ARHGEF10: variants seen among roughly 807,000 people sequenced by gnomAD.
ARHGEF10 encodes the protein Rho guanine nucleotide exchange factor 10, also known as Rho guanine nucleotide exchange factor (GEF) 10.
A neutral mutation model predicts 147.4 loss-of-function variants in ARHGEF10; 140 were observed. The observed-to-expected ratio is 0.95, with a 90% CI of 0.83 to 1.09. ARHGEF10 has a LOEUF of 1.09. ARHGEF10 is among the 50% of genes least tolerant of loss of function. The pLI is 0.00. For missense variants in ARHGEF10, 2,222 were observed against 1,752.7 expected (o/e 1.27, Z -4.78); for synonymous variants, 902 against 695.8 (o/e 1.30, Z -4.67).
In ARHGEF10 at chr8:1,888,154, C is replaced by CGAGGGTTGCGAGGAGACAGTGAGTGTGGT. The variant is rs1563233607; in HGVS notation, c.1182+2472_1182+2473insTGGTGAGGGTTGCGAGGAGACAGTGAGTG. On this transcript the variant is annotated intron_variant, in intron 11 of 28. Transcript: ENST00000349830. ...GTTTGCGAGGAGACACTTAGTGGGG[C>CGAGGGTTGCGAGGAGACAGTGAGTGTGGT]GAGGGTTGCGAGGAGACAGTGAGTG... 3.9e-4 allele frequency among the ~76,000 whole-genome samples: 12 copies of CGAGGGTTGCGAGGAGACAGTGAGTGTGGT among 30,416 alleles called. 2 individuals are homozygous for CGAGGGTTGCGAGGAGACAGTGAGTGTGGT. The highest frequency in any genetic ancestry group is 1.8e-3 in the African/African-American group (11 of 6,030). 20.0% of individuals were successfully genotyped at this position (30,416 alleles called of 152,430 possible).
intron 17 of ARHGEF10, among the ~76,000 whole-genome samples, chr8:1,907,148 G>A (rs149888455): frequency 3.0e-3 from 459 of 152,332 alleles, no homozygotes; most frequent in Middle Eastern, 0.01. Flanking sequence ...TTAGAATTGC[G>A]AGGATGCAGA....
chr8:1,947,393 G>A (rs193104958), intron 27 of ARHGEF10, among the ~76,000 whole-genome samples: 6 of 152,302 alleles, frequency 3.9e-5, no homozygotes, highest in East Asian at 1.9e-4. Flanking sequence ...GAAATGCAGC[G>A]GCCCTGCAGG....
At chr8:1,917,736 A>T (rs1811865446) in intron 18 of ARHGEF10, among the ~76,000 whole-genome samples, 1 of 152,140 alleles carries the variant, frequency 6.6e-6, no homozygotes, top group Non-Finnish European at 1.5e-5. Context: ...AACTCTAACA[A>T]AAATTCTGAT....
rs1311683805 is a variant in ARHGEF10, at chr8:1,859,947, A to G, written c.244A>G (p.Lys82Glu). ...AETTPVAEPT[K>E]LVLPMKVNPY... ...AACCACCCCAGTGGCAGAGCCTACTAAGCTGGTGCTCCCGATGAAAGTCAA... is the reference window on the plus strand; with the variant it reads ...AACCACCCCAGTGGCAGAGCCTACTGAGCTGGTGCTCCCGATGAAAGTCAA... Residue 82 changes from lysine (K) to glutamate (E), a missense_variant, in exon 4 of 29, where the codon AAG (lysine) becomes GAG (glutamate). By Grantham distance (56) the Lys-to-Glu change is moderately conservative. Transcript: ENST00000349830. 1.9e-6 allele frequency: 3 copies of G among 1,614,152 alleles called. No individual in the cohort carries two copies. The highest frequency in any genetic ancestry group is 1.6e-4 in the Middle Eastern group (1 of 6,062).
rs765378810 is a variant in ARHGEF10 at position 1,896,412 on chromosome 8, CAT to C, written c.1521_1522del (p.Ala509HisfsTer7). 20 of 1,613,756 alleles carry C rather than the reference CAT, an allele frequency of 1.2e-5. No individual in the cohort carries two copies. The Admixed American group carries it at 2.7e-4, about 22-fold the overall frequency. Reference sequence around the variant, plus strand: ...ACAGCCGTGGCAGTCCTCAAGAAAACATGTGCCACAAAGCCCGCTTTTCTTGA... The same window carrying C: ...ACAGCCGTGGCAGTCCTCAAGAAAACGTGCCACAAAGCCCGCTTTTCTTGA... On this transcript the variant is annotated frameshift_variant, in exon 14 of 29. Transcript: ENST00000349830. LOFTEE classifies it high-confidence loss of function.
At chr8:1,952,905 A>G in intron 28 of ARHGEF10, 78 bp downstream of exon 28, 1 of 1,590,752 alleles carries the variant, frequency 6.3e-7, no homozygotes, top group Non-Finnish European at 8.6e-7. Flanking sequence ...AGTGTGATTT[A>G]ACATCCTAGG....
chr8:1,926,692 C>CGTA (rs1812720084), intron 23 of ARHGEF10: 1 of 590,422 alleles, frequency 1.7e-6, no homozygotes, highest in Admixed American at 2.9e-5. Flanking sequence ...TCATCTAAAA[C>CGTA]ATTTACCAGA....
At chr8:1,862,939 C>A (rs1478851710) in intron 4 of ARHGEF10, among the ~76,000 whole-genome samples, 2 of 151,670 alleles carry the variant, frequency 1.3e-5, no homozygotes, top group Non-Finnish European at 2.9e-5. Context: ...CCACCACGCC[C>A]GGCTAATTTT....
At chr8:1,896,100 A>G (rs1809949336) in intron 13 of ARHGEF10, among the ~76,000 whole-genome samples, 1 of 152,226 alleles carries the variant, frequency 6.6e-6, no homozygotes, top group Non-Finnish European at 1.5e-5. Flanking sequence ...GGTTTTGAAC[A>G]AGGATGTCAG....
At chr8:1,857,195 C>G (rs1805614522) in intron 2 of ARHGEF10, among the ~76,000 whole-genome samples, 1 of 152,110 alleles carries the variant, frequency 6.6e-6, no homozygotes, top group Non-Finnish European at 1.5e-5. Flanking sequence ...TTCTAACCAT[C>G]AGAGATATTT....
intron 2 of ARHGEF10, 22 bp downstream of exon 2, chr8:1,843,458 G>C: frequency 6.3e-7 from 1 of 1,595,868 alleles, no homozygotes; most frequent in Non-Finnish European, 8.6e-7. Context: ...CAGTAGGTGG[G>C]CCTGTGGGTC....
intron 26 of ARHGEF10, among the ~76,000 whole-genome samples, chr8:1,940,481 A>T (rs1813995891): frequency 6.6e-6 from 1 of 152,258 alleles, no homozygotes; most frequent in Non-Finnish European, 1.5e-5. Flanking sequence ...AAATTGAATC[A>T]GTAATCACAA....
At chr8:1,844,999 C>T (rs1438136358) in intron 2 of ARHGEF10, among the ~76,000 whole-genome samples, 3 of 152,156 alleles carry the variant, frequency 2.0e-5, no homozygotes, top group East Asian at 1.9e-4. Flanking sequence ...ATTAGTTATG[C>T]ATGATGGTGC....
chr8:1,890,445 G>C (rs571848366), intron 11 of ARHGEF10, among the ~76,000 whole-genome samples: 9 of 149,878 alleles, frequency 6.0e-5, no homozygotes, highest in African/African-American at 2.2e-4. Flanking sequence ...GTTGTGAGGA[G>C]ACAGTGAGTG....
chr8:1,860,093 C>G lies in ARHGEF10; in HGVS notation c.390C>G (p.Pro130=). The G allele has an allele frequency of 6.2e-7, 1 of 1,614,130 alleles. No homozygotes were observed. The highest frequency in any genetic ancestry group is 8.5e-7 in the Non-Finnish European group (1 of 1,180,006). Residue 130 remains proline, a synonymous_variant, in exon 4 of 29, where the codon CCC becomes CCG. Transcript: ENST00000349830. The part of the protein sequence containing the change: ...HVPCGYLVPV[P]CGYAVPSNLP... The stretch of plus-strand genomic sequence containing the variant: ...CCTGCGGGTACTTGGTGCCTGTACC[C>G]TGCGGCTATGCGGTGCCCTCCAACC...
intron 1 of ARHGEF10, among the ~76,000 whole-genome samples, chr8:1,842,047 CCGCGGCGGGAA>C (rs1804129224): frequency 7.8e-6 from 1 of 128,940 alleles, no homozygotes; most frequent in Non-Finnish European, 1.7e-5. Flanking sequence ...GGAACTGGGG[CCGCGGCGGGAA>C]CTGGGGCCGC....
At chr8:1,909,527 A>G (rs769699522) in intron 18 of ARHGEF10, 57 bp downstream of exon 18, 55 of 1,605,880 alleles carry the variant, frequency 3.4e-5, no homozygotes, top group Non-Finnish European at 4.6e-5. Context: ...TCTCACGTTC[A>G]TGCTAGCTGT....
intron 1 of ARHGEF10, among the ~76,000 whole-genome samples, chr8:1,828,499 G>A (rs1339606960): frequency 2.2e-5 from 3 of 135,400 alleles, no homozygotes; most frequent in Non-Finnish European, 3.1e-5. Flanking sequence ...GCACACTTAC[G>A]GTTTTAAGGA....
At chr8:1,823,575 G>T (rs1445755998), upstream of ARHGEF10, among the ~76,000 whole-genome samples, 1 of 152,024 alleles carries the variant, frequency 6.6e-6, no homozygotes, top group Non-Finnish European at 1.5e-5. Context: ...AAGGGGCGCA[G>T]CTCTGAGCCG....
Sources: allele counts gnomAD v4.1 joint callset (sites outside exome capture counted in the v4.1 genomes callset), GRCh38; gene constraint gnomAD v4.1.1; transcripts MANE v1.5; gene names NCBI Gene and HGNC (gene_info 2026-07-23, HGNC 2026-07-21).